The following MTARC1 variants were observed in gnomAD, a reference collection of about 807,000 sequenced individuals.
MTARC1 encodes the protein mitochondrial amidoxime reducing component 1, also known as mitochondrial amidoxime-reducing component 1.
MTARC1 carries 24 observed loss-of-function variants against 33.6 expected under a neutral mutation model. That is an observed-to-expected ratio of 0.72 (90% CI 0.52 to 1.01). The LOEUF (loss-of-function observed/expected upper bound fraction) is 1.01. Among genes scored for constraint, MTARC1 ranks in the 50% least tolerant of loss-of-function variants. The pLI is 0.00. For synonymous variants in MTARC1, 187 were observed against 189.5 expected (o/e 0.99, Z 0.11); for missense variants, 417 against 445.7 (o/e 0.94, Z 0.58).
chr1:220,790,422 G>C (rs969819617), intron 1 of MTARC1, among the ~76,000 whole-genome samples: 1 of 152,120 alleles, frequency 6.6e-6, no homozygotes, highest in Non-Finnish European at 1.5e-5. Flanking sequence ...TTGCATTTTA[G>C]AGCGATGTAA....
chr1:220,788,173 A>C (rs930101666), intron 1 of MTARC1, among the ~76,000 whole-genome samples: 7 of 152,202 alleles, frequency 4.6e-5, no homozygotes, highest in Non-Finnish European at 1.0e-4. Flanking sequence ...GGGGCTTTGT[A>C]AAGAGTGACT....
intron 2 of MTARC1, among the ~76,000 whole-genome samples, chr1:220,795,243 T>C (rs1397683211): frequency 2.0e-5 from 3 of 152,168 alleles, no homozygotes; most frequent in East Asian, 1.9e-4. Context: ...TTACGGATTG[T>C]TCCTAATCCT....
rs1673290545 is a variant in MTARC1, at chr1:220,816,795, A to G, written c.*3377A>G. The G allele has an allele frequency of 6.6e-6, 1 of 152,228 alleles. No individual in the cohort carries two copies. The highest frequency in any genetic ancestry group is 2.4e-5 in the African/African-American group (1 of 41,420). 9.4% of individuals were successfully genotyped at this position (152,228 alleles called of 1,614,324 possible). A position where few individuals can be genotyped will look rare whatever the true frequency, so the allele number is the denominator to read the frequency against. On this transcript the variant is annotated 3_prime_UTR_variant, in exon 7 of 7. Transcript: ENST00000366910. ...TCCCTTGCCCCTCTTGCTGGAGTAAAAGGATGGAACTGGGACTTGATAGGT... is the reference window on the plus strand; with the variant it reads ...TCCCTTGCCCCTCTTGCTGGAGTAAGAGGATGGAACTGGGACTTGATAGGT...
rs12023067 is a variant in MTARC1, at chr1:220,791,501, G to A, written c.286G>A (p.Val96Met). ...TTTTGAAAACGGCAGGTTTTGGCTT[G>A]TGATCAACCAGGAGGGAAACATGGT... is the stretch of plus-strand genomic sequence containing the variant. ...SGNLRDRFWL[V>M]INQEGNMVTA... is the part of the protein sequence containing the mutation. Residue 96 changes from valine to methionine, a missense_variant, in exon 2 of 7, where the codon GTG (valine) becomes ATG (methionine). Val to Met is a conservative substitution (Grantham distance 21, BLOSUM62 1). Transcript: ENST00000366910. 9 of 1,613,924 alleles carry A rather than the reference G, an allele frequency of 5.6e-6. No homozygotes were observed. The highest frequency in any genetic ancestry group is 7.6e-6 in the Non-Finnish European group (9 of 1,179,932).
Position 220,787,155 on chromosome 1 carries a change from G to T in MTARC1, c.211G>T (p.Gly71Trp). Residue 71 changes from glycine to tryptophan, a missense_variant, in exon 1 of 7, where the codon GGG (glycine) becomes TGG (tryptophan). Gly to Trp is a radical substitution (Grantham distance 184, BLOSUM62 -2). Transcript: ENST00000366910. The stretch of plus-strand genomic sequence containing the variant: ...GATCTACCCTGTGAAATCCTGCAAG[G>T]GGGTGCCGGTGAGCGAGGCGGAGTG... ...LWIYPVKSCK[G>W]VPVSEAECTA... 1 of 1,577,574 alleles carries T rather than the reference G, an allele frequency of 6.3e-7. No individual in the cohort carries two copies. The highest frequency in any genetic ancestry group is 8.6e-7 in the Non-Finnish European group (1 of 1,162,620).
Position 220,815,753 on chromosome 1 carries a change from C to T in MTARC1, c.*2335C>T, listed in dbSNP as rs1461197662. On this transcript the variant is annotated 3_prime_UTR_variant, in exon 7 of 7. Coordinates refer to ENST00000366910, the MANE Select transcript of MTARC1 (RefSeq NM_022746.4). Reference sequence around the variant, plus strand: ...GAAATATAGAATCAGGAATGTAGGCCATCCCAGACTTTCAGATCTTACAAC... The same window carrying T: ...GAAATATAGAATCAGGAATGTAGGCTATCCCAGACTTTCAGATCTTACAAC... 6.6e-6 allele frequency: 1 copy of T among 152,174 alleles called. No homozygotes were observed. The highest frequency in any genetic ancestry group is 2.4e-5 in the African/African-American group (1 of 41,438). 9.4% of individuals were successfully genotyped at this position (152,174 alleles called of 1,614,324 possible).
Position 220,787,005 on chromosome 1 carries a change from G to A in MTARC1, c.61G>A (p.Gly21Arg), listed in dbSNP as rs1349583940. The change falls in exon 1 of 7, where the codon GGG becomes AGG. Residue 21 changes from glycine (G) to arginine (R), a missense_variant. By Grantham distance (125) the Gly-to-Arg change is moderately radical. Transcript: ENST00000366910. Reference sequence around the variant, plus strand: ...TGTCCTCCTCGCGCAATCCCGGCCCGGGTGGCTCGGGGTTGCCGCGCTGGG... The same window carrying A: ...TGTCCTCCTCGCGCAATCCCGGCCCAGGTGGCTCGGGGTTGCCGCGCTGGG... ...RFVLLAQSRP[G>R]WLGVAALGLT... is the part of the protein sequence containing the mutation. 2.3e-6 allele frequency: 3 copies of A among 1,299,662 alleles called. No individual in the cohort carries two copies. Among genetic ancestry groups the A allele is most frequent in the East Asian group, 3.1e-5 (1 of 31,990 alleles). 80.5% of individuals were successfully genotyped at this position (1,299,662 alleles called of 1,614,324 possible).
intron 2 of MTARC1, 91 bp downstream of exon 2, chr1:220,791,755 T>C (rs1402339707): frequency 7.2e-7 from 1 of 1,398,156 alleles, no homozygotes; most frequent in Non-Finnish European, 9.9e-7. Flanking sequence ...CTGAGAAACA[T>C]ATCAATAATG....
chr1:220,805,735 A>G (rs1672952061), intron 6 of MTARC1, among the ~76,000 whole-genome samples: 1 of 152,228 alleles, frequency 6.6e-6, no homozygotes, highest in African/African-American at 2.4e-5. Context: ...ATAAATGAGT[A>G]CATTTTAAAA....
rs891665353 is a variant in MTARC1, at chr1:220,818,527, G to A, written c.*5109G>A. The A allele has an allele frequency of 1.3e-5, 2 of 152,094 alleles. No homozygotes were observed. The highest frequency in any genetic ancestry group is 4.8e-5 in the African/African-American group (2 of 41,398). The allele number at this position is 152,094 out of a possible 1,614,324, so 9.4% of individuals were successfully genotyped here. On this transcript the variant is annotated 3_prime_UTR_variant, in exon 7 of 7. Transcript: ENST00000366910. ...AGTCATGCTCCTTTACCTTTACAGA[G>A]CATCCTAGACTGCTCTTCCTCTTAC...
chr1:220,787,184 G>T lies in MTARC1; in HGVS notation c.240G>T (p.Thr80=). The change falls in exon 1 of 7, where the codon ACG becomes ACT. Residue 80 remains threonine, a synonymous_variant. Coordinates refer to ENST00000366910, the MANE Select transcript of MTARC1 (RefSeq NM_022746.4). ...TGCCGGTGAGCGAGGCGGAGTGCAC[G>T]GCCATGGGGCTGCGCAGCGGCAACC... ...KGVPVSEAEC[T]AMGLRSGNLR... The T allele has an allele frequency of 5.1e-6, 8 of 1,579,590 alleles. No individual in the cohort carries two copies. Among genetic ancestry groups the T allele is most frequent in the Non-Finnish European group, 6.9e-6 (8 of 1,163,774 alleles).
intron 2 of MTARC1, among the ~76,000 whole-genome samples, chr1:220,792,666 A>G (rs1672464797): frequency 6.7e-6 from 1 of 150,070 alleles, no homozygotes; most frequent in African/African-American, 2.4e-5. Context: ...AAAAAAAAAA[A>G]GAAACAAAAA....
At chr1:220,791,142 T>C (rs1672407409) in intron 1 of MTARC1, 1 of 181,344 alleles carries the variant, frequency 5.5e-6, no homozygotes, top group South Asian at 1.3e-4. Flanking sequence ...TCATGTAAAA[T>C]AGATTCTTGT....
chr1:220,811,413 AAT>A (rs1198526647), intron 6 of MTARC1, among the ~76,000 whole-genome samples: 1 of 152,212 alleles, frequency 6.6e-6, no homozygotes, highest in Admixed American at 6.5e-5. Context: ...AGGCCATGAG[AAT>A]GCAACAGAGA....
intron 2 of MTARC1, among the ~76,000 whole-genome samples, chr1:220,795,068 A>C (rs930944615): frequency 2.0e-5 from 3 of 152,172 alleles, no homozygotes; most frequent in African/African-American, 4.8e-5. Context: ...ACAATATAAA[A>C]ATCCATTTAT....
chr1:220,797,952 A>T lies in MTARC1; in HGVS notation c.691A>T (p.Lys231Ter). The T allele has an allele frequency of 6.2e-7, 1 of 1,614,242 alleles. No homozygotes were observed. Among genetic ancestry groups the T allele is most frequent in the Non-Finnish European group, 8.5e-7 (1 of 1,180,042 alleles). ...LADLNSRLEK[K>*]VKATNFRPNI... is the part of the protein sequence containing the mutation. Reference sequence around the variant, plus strand: ...GGATCTCAACTCCAGGCTAGAGAAGAAAGTTAAAGCAACCAACTTCAGGCC... The same window carrying T: ...GGATCTCAACTCCAGGCTAGAGAAGTAAGTTAAAGCAACCAACTTCAGGCC... Residue 231 changes from lysine (K) to a stop codon, truncating the protein, a stop_gained, in exon 4 of 7, where the codon AAA becomes TAA. Coordinates refer to ENST00000366910, the MANE Select transcript of MTARC1 (RefSeq NM_022746.4). LOFTEE classifies it high-confidence loss of function.
Position 220,797,860 on chromosome 1 carries a change from T to C in MTARC1, c.613-14T>C, listed in dbSNP as rs902138022. On this transcript the variant is annotated splice_polypyrimidine_tract_variant and intron_variant, in intron 3 of 6. Coordinates refer to ENST00000366910, the MANE Select transcript of MTARC1 (RefSeq NM_022746.4). ...GTGTGCCATGTGTTATAACAATGTCTATTTCCTTATCAGATTGCTTACTCA... is the reference window on the plus strand; with the variant it reads ...GTGTGCCATGTGTTATAACAATGTCCATTTCCTTATCAGATTGCTTACTCA... 5.0e-6 allele frequency: 8 copies of C among 1,613,788 alleles called. No homozygotes were observed. Among genetic ancestry groups the C allele is most frequent in the Admixed American group, 1.7e-5 (1 of 59,978 alleles).
chr1:220,811,911 A>G (rs1673145467), intron 6 of MTARC1, among the ~76,000 whole-genome samples: 1 of 152,248 alleles, frequency 6.6e-6, no homozygotes, highest in Non-Finnish European at 1.5e-5. Flanking sequence ...CGTGAGCAGT[A>G]CAAGGGCATT....
chr1:220,813,662 T>G lies in MTARC1; in HGVS notation c.*244T>G. On this transcript the variant is annotated 3_prime_UTR_variant, in exon 7 of 7. Transcript: ENST00000366910. ...AAGTCACTTAAATGACAAGACAGGATTCTGAAAACTCCCCGTTTAACTGAT... is the reference window on the plus strand; with the variant it reads ...AAGTCACTTAAATGACAAGACAGGAGTCTGAAAACTCCCCGTTTAACTGAT... The G allele has an allele frequency of 4.5e-6, 2 of 448,764 alleles. No individual in the cohort carries two copies. Among genetic ancestry groups the G allele is most frequent in the Non-Finnish European group, 8.0e-6 (2 of 248,498 alleles). The allele number at this position is 448,764 out of a possible 1,614,324, so 27.8% of individuals were successfully genotyped here. A position where few individuals can be genotyped will look rare whatever the true frequency, so the allele number is the denominator to read the frequency against.
Sources: allele counts gnomAD v4.1 joint callset (sites outside exome capture counted in the v4.1 genomes callset), GRCh38; gene constraint gnomAD v4.1.1; transcripts MANE v1.5; gene names NCBI Gene and HGNC (gene_info 2026-07-23, HGNC 2026-07-21).